Variants in MOBP observed in about 807,000 individuals in gnomAD.
The protein encoded by MOBP is myelin-associated oligodendrocyte basic protein.
A neutral mutation model predicts 15.0 loss-of-function variants in MOBP; 5 were observed. The observed-to-expected ratio is 0.33, with a 90% CI of 0.17 to 0.70. The LOEUF is 0.70. Ranked by LOEUF, MOBP falls within the 30% of genes least tolerant of loss-of-function variation. The probability of loss-of-function intolerance (pLI) is 0.67; values close to 1 mark genes in which losing one functional copy is unlikely to be tolerated. For synonymous variants in MOBP, 88 were observed against 99.0 expected (o/e 0.89, Z 0.66); for missense variants, 188 against 257.8 (o/e 0.73, Z 1.85).
intron 1 of MOBP, among the ~76,000 whole-genome samples, chr3:39,474,892 T>G (rs887179896): frequency 6.6e-6 from 1 of 152,216 alleles, no homozygotes; most frequent in Non-Finnish European, 1.5e-5. Context: ...ATTGCTTTCT[T>G]TAATGTTAAC....
chr3:39,479,903 G>A (rs1193399324), intron 1 of MOBP, 137 bp from the exon 2 acceptor site: 2 of 151,030 alleles, frequency 1.3e-5, no homozygotes, highest in African/African-American at 4.9e-5. Flanking sequence ...GCTGGCAGAT[G>A]GCATCTAGAT....
downstream of MOBP, among the ~76,000 whole-genome samples, chr3:39,503,977 T>A (rs923036117): frequency 6.6e-6 from 1 of 152,044 alleles, no homozygotes; most frequent in Non-Finnish European, 1.5e-5. Context: ...CCCGCAAAGG[T>A]ACAGTTATGT....
chr3:39,481,459 T>C (rs1327388046), intron 2 of MOBP, among the ~76,000 whole-genome samples: 2 of 152,186 alleles, frequency 1.3e-5, no homozygotes, highest in Non-Finnish European at 2.9e-5. Context: ...TCAAGAATAT[T>C]AATTATTTCC....
At chr3:39,507,123 C>T (rs544917713), downstream of MOBP, among the ~76,000 whole-genome samples, 4 of 152,298 alleles carry the variant, frequency 2.6e-5, no homozygotes, top group East Asian at 1.9e-4. Flanking sequence ...TTATGACTCA[C>T]GTGTGATGAC....
chr3:39,493,958 G>C (rs2042837787), intron 2 of MOBP, among the ~76,000 whole-genome samples: 2 of 152,176 alleles, frequency 1.3e-5, no homozygotes, highest in African/African-American at 4.8e-5. Context: ...TACCAGAGGA[G>C]GGTTCCTTCT....
chr3:39,475,925 G>A (rs1035115567), intron 1 of MOBP, among the ~76,000 whole-genome samples: 1 of 152,282 alleles, frequency 6.6e-6, no homozygotes, highest in East Asian at 1.9e-4. Flanking sequence ...GTTATTACTT[G>A]TTGTATCAGT....
At chr3:39,499,453 CCTT>C (rs1164100529) in intron 2 of MOBP, 1 of 152,728 alleles carries the variant, frequency 6.5e-6, no homozygotes, top group African/African-American at 2.4e-5. Flanking sequence ...ACCCATTACT[CCTT>C]CTTCCTGCAG....
downstream of MOBP, among the ~76,000 whole-genome samples, chr3:39,506,655 C>T (rs550196872): frequency 4.9e-4 from 74 of 152,246 alleles, no homozygotes; most frequent in African/African-American, 1.6e-3. Flanking sequence ...AGGATGGGGG[C>T]ATTCATTCTT....
chr3:39,479,092 T>G (rs2042587230), intron 1 of MOBP, among the ~76,000 whole-genome samples: 1 of 152,116 alleles, frequency 6.6e-6, no homozygotes, highest in Admixed American at 6.6e-5. Flanking sequence ...CCTCCCAAAG[T>G]GTTGGGATTA....
downstream of MOBP, chr3:39,503,149 A>G: frequency 2.3e-6 from 1 of 441,484 alleles, no homozygotes; most frequent in Non-Finnish European, 3.9e-6. Flanking sequence ...GAGATTATTG[A>G]CCATGGTAAC....
intron 2 of MOBP, among the ~76,000 whole-genome samples, chr3:39,484,274 C>T (rs148513238): frequency 3.3e-5 from 5 of 152,310 alleles, no homozygotes; most frequent in African/African-American, 1.2e-4. Flanking sequence ...GATAATGCTT[C>T]TGGCCTGTAC....
intron 3 of MOBP, among the ~76,000 whole-genome samples, chr3:39,523,671 A>G (rs2043296118): frequency 6.6e-6 from 1 of 152,192 alleles, no homozygotes; most frequent in Non-Finnish European, 1.5e-5. Context: ...CTTAATTTTA[A>G]TACCTTCCCA....
At chr3:39,494,782 G>GCCCCCCCCCCCC (rs142834446) in intron 2 of MOBP, among the ~76,000 whole-genome samples, 5 of 85,942 alleles carry the variant, frequency 5.8e-5, no homozygotes, top group Admixed American at 2.8e-4. Context: ...TATTTTCAAA[G>GCCCCCCCCCCCC]CCCCCCCCCG....
rs540164535 is a variant in MOBP, at chr3:39,496,262, G to A, written c.-4-5804G>A. Among the ~76,000 whole-genome samples, 9 of 140,268 alleles carry A rather than the reference G, an allele frequency of 6.4e-5. No individual in the cohort carries two copies. In the South Asian group the frequency reaches 1.4e-3, roughly 22 times the overall value. The allele number at this position is 140,268 out of a possible 152,430, so 92.0% of individuals were successfully genotyped here. On this transcript the variant is annotated intron_variant, in intron 2 of 3. Coordinates refer to ENST00000684792, the MANE Select transcript of MOBP (RefSeq NM_001393704.1). ...CGCCCAGGCTGGAGTGCAGTGGCCC[G>A]ATCTCGGCTCAGTGCAAGCTCTGCC...
In MOBP at chr3:39,492,898, T is replaced by C. The variant is rs1387825986; in HGVS notation, c.-4-9168T>C. ...GTTGTGAGGGAGCCGAGTGAAAGAA[T>C]TGAAGACCTATTCTGCTTTCAAAAT... On this transcript the variant is annotated intron_variant, in intron 2 of 3. Transcript: ENST00000684792. Among the ~76,000 whole-genome samples the C allele has an allele frequency of 4.6e-5, 7 of 152,300 alleles. No individual in the cohort carries two copies. The East Asian group carries it at 1.4e-3, about 29-fold the overall frequency.
At chr3:39,527,178 G>A (rs534152709), downstream of MOBP, 7 of 152,282 alleles carry the variant, frequency 4.6e-5, no homozygotes, top group African/African-American at 1.7e-4. Flanking sequence ...GCACACAATT[G>A]ACTCTCGTCA....
At chr3:39,506,068 T>C (rs995167815), downstream of MOBP, among the ~76,000 whole-genome samples, 1 of 151,798 alleles carries the variant, frequency 6.6e-6, no homozygotes, top group Non-Finnish European at 1.5e-5. Context: ...CACCCCTCCC[T>C]GTGATCTTCC....
intron 1 of MOBP, among the ~76,000 whole-genome samples, chr3:39,476,343 G>T (rs1365697455): frequency 6.6e-6 from 1 of 152,158 alleles, no homozygotes; most frequent in Non-Finnish European, 1.5e-5. Flanking sequence ...TGTATTTCTT[G>T]CTATTGGGGT....
At chr3:39,469,365 A>G (rs1420487435) in intron 1 of MOBP, among the ~76,000 whole-genome samples, 1 of 90,766 alleles carries the variant, frequency 1.1e-5, no homozygotes. Context: ...ATTAACTAAA[A>G]TTTATTTTAA....
Sources: allele counts gnomAD v4.1 joint callset (sites outside exome capture counted in the v4.1 genomes callset), GRCh38; gene constraint gnomAD v4.1.1; transcripts MANE v1.5; gene names NCBI Gene and HGNC (gene_info 2026-07-23, HGNC 2026-07-21).